The following MRPL39 variants were observed in gnomAD, a reference collection of about 807,000 sequenced individuals.
MRPL39 encodes the protein mitochondrial ribosomal protein L39, also known as large ribosomal subunit protein mL39.
Under a neutral mutation model 44.5 loss-of-function variants are expected in MRPL39, and 35 were observed. That is an observed-to-expected ratio of 0.79 (90% confidence interval 0.60 to 1.04). MRPL39 has a LOEUF of 1.04. MRPL39 is among the 50% of genes least tolerant of loss of function. The pLI, the probability that MRPL39 is intolerant of heterozygous loss-of-function variation, is 0.00. For missense variants in MRPL39, 433 were observed against 413.5 expected, an observed-to-expected ratio of 1.05 and a Z score of -0.41; for synonymous variants, 139 against 136.1, an observed-to-expected ratio of 1.02 and a Z score of -0.15.
chr21:25,601,846 T>G (rs931394420), intron 3 of MRPL39, among the ~76,000 whole-genome samples: 5 of 152,262 alleles, frequency 3.3e-5, no homozygotes, highest in African/African-American at 1.2e-4. Flanking sequence ...GTATCATTTA[T>G]AAATATGGAG....
intron 9 of MRPL39, 125 bp downstream of exon 9, chr21:25,588,710 A>T: frequency 1.2e-6 from 1 of 857,682 alleles, no homozygotes; most frequent in Non-Finnish European, 1.9e-6. Flanking sequence ...TGCTTTGACT[A>T]TTGAGACAAC....
At position 25,602,611 on chromosome 21, in the gene MRPL39, G is replaced by A. The variant is rs149800267; in HGVS notation, c.421-1144C>T. Among the ~76,000 whole-genome samples the A allele has an allele frequency of 3.1e-3, 479 of 152,162 alleles. 3 individuals carry two copies. Among genetic ancestry groups the A allele is most frequent in the African/African-American group, 0.011 (437 of 41,510 alleles). ...GGAAATGGTCCCTATCTTCACATTC[G>A]ACCGTTTATGTTACAAGACAAAATT... On this transcript the variant is annotated intron_variant, in intron 3 of 9. Transcript: ENST00000352957.
chr21:25,601,307 T>A, intron 4 of MRPL39, 61 bp downstream of exon 4: 2 of 1,096,696 alleles, frequency 1.8e-6, no homozygotes, highest in Middle Eastern at 4.1e-4. Context: ...ACTCTATACG[T>A]CATCAAAAAT....
chr21:25,589,421 ATT>A lies in MRPL39; in HGVS notation c.922-541_922-540del, dbSNP rs3989368. On this transcript the variant is annotated intron_variant, in intron 8 of 9. Coordinates refer to ENST00000352957, the MANE Select transcript of MRPL39 (RefSeq NM_017446.4). ...TAAAACCTAACAAAGACAATAGTAA[ATT>A]TTTTTTTTTTTTGAAATGGAGTTTC... Among the ~76,000 whole-genome samples the A allele has an allele frequency of 5.4e-5, 8 of 148,666 alleles. 1 individual carries two copies. The South Asian group carries it at 8.5e-4, about 16-fold the overall frequency.
rs79826338 is a variant in MRPL39 at position 25,593,461 on chromosome 21, C to T, written c.767+432G>A. Reference sequence around the variant, plus strand: ...TTGGGACTTGCTCCCCATGGGAGAACGTCATCATAAGCAGTGGACCTTTCT... The same window carrying T: ...TTGGGACTTGCTCCCCATGGGAGAATGTCATCATAAGCAGTGGACCTTTCT... On this transcript the variant is annotated intron_variant, in intron 7 of 9. Transcript: ENST00000352957. 6.4e-4 allele frequency among the ~76,000 whole-genome samples: 98 copies of T among 152,298 alleles called. No individual in the cohort carries two copies. The East Asian group carries it at 0.013, about 20-fold the overall frequency.
chr21:25,603,298 G>A (rs1455718710), intron 3 of MRPL39, among the ~76,000 whole-genome samples: 4 of 152,116 alleles, frequency 2.6e-5, no homozygotes, highest in African/African-American at 9.7e-5. Context: ...TACAGGGCCT[G>A]GAAAGCTATG....
At chr21:25,603,076 ATTGT>A (rs1246235611) in intron 3 of MRPL39, among the ~76,000 whole-genome samples, 1 of 152,106 alleles carries the variant, frequency 6.6e-6, no homozygotes, top group Non-Finnish European at 1.5e-5. Context: ...TTCTACTATG[ATTGT>A]TAAGTTTCCT....
chr21:25,589,421 A>AT (rs3989368), intron 8 of MRPL39, among the ~76,000 whole-genome samples: 1,521 of 148,282 alleles, frequency 0.01, 10 homozygotes, highest in African/African-American at 0.027. Context: ...ACAATAGTAA[A>AT]TTTTTTTTTT....
At chr21:25,607,343 A>G in intron 1 of MRPL39, 60 bp downstream of exon 1, 2 of 1,594,216 alleles carry the variant, frequency 1.3e-6, no homozygotes, top group South Asian at 1.1e-5. Flanking sequence ...CTCAGACCCA[A>G]TCTAGACAGA....
chr21:25,596,451 G>T (rs1469856518), intron 6 of MRPL39, among the ~76,000 whole-genome samples: 1 of 152,172 alleles, frequency 6.6e-6, no homozygotes, highest in Non-Finnish European at 1.5e-5. Flanking sequence ...ACAGTACATG[G>T]TTTCACATGT....
At chr21:25,589,508 C>T (rs2031107081) in intron 8 of MRPL39, among the ~76,000 whole-genome samples, 1 of 151,992 alleles carries the variant, frequency 6.6e-6, no homozygotes, top group Non-Finnish European at 1.5e-5. Flanking sequence ...ACCTCCGCCT[C>T]CCAGGTTCAA....
chr21:25,593,189 T>C (rs941330174), intron 7 of MRPL39, among the ~76,000 whole-genome samples: 4 of 152,222 alleles, frequency 2.6e-5, no homozygotes, highest in African/African-American at 9.6e-5. Flanking sequence ...AGCATTGATA[T>C]AGGTTTTAAG....
Position 25,592,950 on chromosome 21 carries a change from A to G in MRPL39, c.783T>C (p.Ile261=). The G allele has an allele frequency of 1.2e-6, 2 of 1,611,648 alleles. No homozygotes were observed. Among genetic ancestry groups the G allele is most frequent in the Non-Finnish European group, 1.7e-6 (2 of 1,178,998 alleles). The part of the protein sequence containing the change: ...IVKLHRIGDF[I]DVSEGPLIPR... The stretch of plus-strand genomic sequence containing the variant: ...GAATAAGAGGGCCCTCACTCACATC[A>G]ATGAAGTCACCTATTCTGATTGATT... The change falls in exon 8 of 10, where the codon ATT becomes ATC. Residue 261 remains isoleucine (I), a synonymous_variant. Coordinates refer to ENST00000352957, the MANE Select transcript of MRPL39 (RefSeq NM_017446.4).
intron 3 of MRPL39, among the ~76,000 whole-genome samples, chr21:25,602,654 G>T (rs2829835): frequency 0.083 from 12,698 of 152,190 alleles, 1,319 homozygotes; most frequent in African/African-American, 0.23. Context: ...CATATCTAGA[G>T]ACTAGCCAAG....
intron 9 of MRPL39, among the ~76,000 whole-genome samples, chr21:25,587,310 T>C (rs1326887816): frequency 6.6e-6 from 1 of 152,178 alleles, no homozygotes; most frequent in Non-Finnish European, 1.5e-5. Context: ...TTCTTTAGTT[T>C]CTTCATCTAA....
chr21:25,601,735 T>C (rs932006745), intron 3 of MRPL39, among the ~76,000 whole-genome samples: 2 of 152,250 alleles, frequency 1.3e-5, no homozygotes, highest in African/African-American at 4.8e-5. Flanking sequence ...CCCCGACAGA[T>C]AGTTTTATTA....
intron 6 of MRPL39, among the ~76,000 whole-genome samples, chr21:25,596,129 C>T (rs56026728): frequency 6.6e-6 from 1 of 150,806 alleles, no homozygotes; most frequent in African/African-American, 2.4e-5. Flanking sequence ...GACGGAGTCT[C>T]GCTCTTTCGC....
At chr21:25,594,585 A>C (rs2031296367) in intron 6 of MRPL39, among the ~76,000 whole-genome samples, 1 of 151,708 alleles carries the variant, frequency 6.6e-6, no homozygotes, top group South Asian at 2.1e-4. Flanking sequence ...GGCATTCCTT[A>C]CTGCTTGTTA....
intron 8 of MRPL39, among the ~76,000 whole-genome samples, chr21:25,589,825 C>T (rs930671617): frequency 2.3e-5 from 2 of 88,294 alleles, no homozygotes; most frequent in Non-Finnish European, 6.8e-5. Flanking sequence ...AAAACCATGC[C>T]TGACTCAGGC....
Sources: gnomAD v4.1 joint callset for allele counts (sites outside exome capture counted in the v4.1 genomes callset) on GRCh38, gnomAD v4.1.1 for gene constraint, MANE v1.5 for transcripts, NCBI Gene and HGNC (gene_info 2026-07-23, HGNC 2026-07-21) for gene names.